NGF: variants seen among roughly 807,000 people sequenced by gnomAD.
The protein encoded by NGF is nerve growth factor.
NGF carries 4 observed loss-of-function variants against 12.8 expected under a neutral mutation model. The observed-to-expected ratio is 0.31, with a 90% CI of 0.15 to 0.72. The LOEUF (loss-of-function observed/expected upper bound fraction) is 0.72. NGF is among the 30% of genes least tolerant of loss of function. NGF has a pLI of 0.69. For synonymous variants in NGF, 140 were observed against 130.0 expected (o/e 1.08, Z -0.52); for missense variants, 283 against 330.8 (o/e 0.86, Z 1.12).
chr1:115,289,426 T>G (rs1349478428), intron 2 of NGF, among the ~76,000 whole-genome samples: 2 of 152,270 alleles, frequency 1.3e-5, no homozygotes, highest in East Asian at 3.9e-4. Flanking sequence ...AGGTTCCCAC[T>G]TCATTCTTGG....
chr1:115,302,048 G>C (rs1654052457), intron 1 of NGF, among the ~76,000 whole-genome samples: 1 of 152,176 alleles, frequency 6.6e-6, no homozygotes, highest in African/African-American at 2.4e-5. Flanking sequence ...CTATCCGTGG[G>C]GCTGTCCCAG....
At chr1:115,290,918 T>C (rs545339331) in intron 2 of NGF, among the ~76,000 whole-genome samples, 2 of 152,336 alleles carry the variant, frequency 1.3e-5, no homozygotes, top group African/African-American at 2.4e-5. Flanking sequence ...TGCATGATGA[T>C]GTTAAAGGTA....
chr1:115,311,382 C>T (rs1358435480), intron 1 of NGF, among the ~76,000 whole-genome samples: 1 of 152,096 alleles, frequency 6.6e-6, no homozygotes, highest in Non-Finnish European at 1.5e-5. Context: ...AATGTATGCT[C>T]AGTAAACAGA....
chr1:115,301,423 C>G (rs1474963364), intron 1 of NGF, among the ~76,000 whole-genome samples: 1 of 152,204 alleles, frequency 6.6e-6, no homozygotes, highest in African/African-American at 2.4e-5. Context: ...TAGCACAGTG[C>G]CTGGCATCTA....
chr1:115,292,742 A>T (rs1653742928), intron 2 of NGF, among the ~76,000 whole-genome samples: 1 of 152,216 alleles, frequency 6.6e-6, no homozygotes. Flanking sequence ...TGAAAATTCC[A>T]TTCAACAGAT....
intron 1 of NGF, among the ~76,000 whole-genome samples, chr1:115,314,449 C>G (rs931899378): frequency 7.9e-5 from 12 of 152,196 alleles, no homozygotes; most frequent in African/African-American, 2.4e-4. Context: ...GAAAAATTAA[C>G]AAACCCTTTG....
chr1:115,316,042 T>C (rs947119854), intron 1 of NGF, among the ~76,000 whole-genome samples: 2 of 152,190 alleles, frequency 1.3e-5, no homozygotes, highest in Non-Finnish European at 2.9e-5. Flanking sequence ...CTATGTGCTG[T>C]GTGATATCAC....
At position 115,317,610 on chromosome 1, in the gene NGF, T is replaced by C. The variant is rs1049546709; in HGVS notation, c.-137+20594A>G. Reference sequence around the variant, plus strand: ...TGCCACTGTGTTTGTCACCCACGTATTTGGGGATCTGACCACAGAGAATAA... The same window carrying C: ...TGCCACTGTGTTTGTCACCCACGTACTTGGGGATCTGACCACAGAGAATAA... On this transcript the variant is annotated intron_variant, in intron 1 of 2. Transcript: ENST00000369512. Among the ~76,000 whole-genome samples, 6 of 152,170 alleles carry C rather than the reference T, an allele frequency of 3.9e-5. No individual in the cohort carries two copies. In the East Asian group the frequency reaches 1.2e-3, roughly 29 times the overall value.
At chr1:115,292,076 T>C (rs932817394) in intron 2 of NGF, among the ~76,000 whole-genome samples, 2 of 152,170 alleles carry the variant, frequency 1.3e-5, no homozygotes, top group Admixed American at 1.3e-4. Context: ...TGTTTTACGC[T>C]TGGCCTTCAC....
chr1:115,299,807 A>C (rs1030916678), intron 1 of NGF, among the ~76,000 whole-genome samples: 2 of 152,192 alleles, frequency 1.3e-5, no homozygotes, highest in South Asian at 2.1e-4. Flanking sequence ...CACACACACA[A>C]AAATCTATTT....
intron 1 of NGF, among the ~76,000 whole-genome samples, chr1:115,337,362 T>C (rs751523281): frequency 6.9e-6 from 1 of 144,116 alleles, no homozygotes; most frequent in African/African-American, 2.6e-5. Flanking sequence ...GGCTCAAAGT[T>C]GCAGCTCCCT....
chr1:115,337,259 TTGTTTTTG>T lies in NGF; in HGVS notation c.-137+937_-137+944del, dbSNP rs1282716410. ...TAAGAATCTCGAAATTTTTTTTGTT[TTGTTTTTG>T]TTTTTTTTTTTTTTTTTTTTTTTTT... On this transcript the variant is annotated intron_variant, in intron 1 of 2. Coordinates refer to ENST00000369512, the MANE Select transcript of NGF (RefSeq NM_002506.3). Among the ~76,000 whole-genome samples the T allele has an allele frequency of 4.4e-4, 38 of 86,886 alleles. 2 individuals carry two copies. The highest frequency in any genetic ancestry group is 1.7e-3 in the African/African-American group (31 of 18,328). The allele number at this position is 86,886 out of a possible 152,430, so 57.0% of individuals were successfully genotyped here.
chr1:115,310,562 A>G (rs1015030387), intron 1 of NGF, among the ~76,000 whole-genome samples: 11 of 152,114 alleles, frequency 7.2e-5, no homozygotes, highest in Admixed American at 4.6e-4. Context: ...AGCAGGCCCT[A>G]TGTTTGGTCA....
rs144676826 is a variant in NGF at position 115,329,933 on chromosome 1, T to A, written c.-137+8271A>T. On this transcript the variant is annotated intron_variant, in intron 1 of 2. Transcript: ENST00000369512. ...GCCTGGCTAATTTTTTTATTTTTAT[T>A]TTTGTACAGATGGGGTCTCACTTTG... is the stretch of plus-strand genomic sequence containing the variant. Among the ~76,000 whole-genome samples the A allele has an allele frequency of 7.1e-3, 1,074 of 152,126 alleles. 17 individuals carry two copies. The highest frequency in any genetic ancestry group is 0.024 in the African/African-American group (1,015 of 41,490).
intron 1 of NGF, among the ~76,000 whole-genome samples, chr1:115,317,063 C>T (rs1490525502): frequency 6.6e-5 from 10 of 151,496 alleles, no homozygotes; most frequent in Non-Finnish European, 1.3e-4. Flanking sequence ...CCTGGCCCCT[C>T]AGAGTGGATG....
intron 1 of NGF, among the ~76,000 whole-genome samples, chr1:115,306,480 G>A (rs1192451522): frequency 6.6e-6 from 1 of 152,196 alleles, no homozygotes; most frequent in Non-Finnish European, 1.5e-5. Context: ...TTTTAGGCAA[G>A]ACATTTGCTT....
intron 1 of NGF, among the ~76,000 whole-genome samples, chr1:115,302,521 A>T (rs555643612): frequency 6.6e-6 from 1 of 152,330 alleles, no homozygotes; most frequent in East Asian, 1.9e-4. Context: ...AAAAAGAAAG[A>T]AAAAAACACA....
intron 1 of NGF, among the ~76,000 whole-genome samples, chr1:115,318,233 C>G (rs1219700341): frequency 6.6e-6 from 1 of 152,138 alleles, no homozygotes; most frequent in Non-Finnish European, 1.5e-5. Flanking sequence ...TGAGCTGAGC[C>G]CCTGCTCATC....
chr1:115,337,851 C>A (rs1484548649), intron 1 of NGF, among the ~76,000 whole-genome samples: 1 of 152,158 alleles, frequency 6.6e-6, no homozygotes, highest in African/African-American at 2.4e-5. Flanking sequence ...CATTCGCTCT[C>A]CCTCACTTGC....
Sources: allele counts gnomAD v4.1 joint callset (sites outside exome capture counted in the v4.1 genomes callset), GRCh38; gene constraint gnomAD v4.1.1; transcripts MANE v1.5; gene names NCBI Gene and HGNC (gene_info 2026-07-23, HGNC 2026-07-21).